Variants in NTN1 observed in about 807,000 individuals in gnomAD.
The protein encoded by NTN1 is netrin 1.
A neutral mutation model predicts 54.2 loss-of-function variants in NTN1; 11 were observed. That is an observed-to-expected ratio of 0.20 (90% CI 0.13 to 0.34). The LOEUF (loss-of-function observed/expected upper bound fraction) is 0.34. NTN1 is among the 10% of genes least tolerant of loss of function. NTN1 has a pLI of 1.00. For missense variants in NTN1, 740 were observed against 893.1 expected (o/e 0.83, Z 2.18); for synonymous variants, 371 against 382.0 (o/e 0.97, Z 0.33).
chr17:9,077,778 G>A (rs539247578), intron 2 of NTN1, among the ~76,000 whole-genome samples: 4 of 152,202 alleles, frequency 2.6e-5, no homozygotes, highest in Non-Finnish European at 4.4e-5. Context: ...AGTCTTAAAC[G>A]GGTCTCCACA....
At chr17:9,030,202 A>C (rs1331638978) in intron 2 of NTN1, among the ~76,000 whole-genome samples, 3 of 152,120 alleles carry the variant, frequency 2.0e-5, no homozygotes, top group African/African-American at 4.8e-5. Flanking sequence ...TCCTGCCCCA[A>C]GCACAGTTCT....
chr17:9,191,159 T>A (rs1904444622), intron 5 of NTN1, among the ~76,000 whole-genome samples: 1 of 152,044 alleles, frequency 6.6e-6, no homozygotes, highest in Non-Finnish European at 1.5e-5. Context: ...AAGGAAAGAT[T>A]TTGAATAAAT....
chr17:9,078,302 T>C (rs79877680), intron 2 of NTN1, among the ~76,000 whole-genome samples: 3 of 152,184 alleles, frequency 2.0e-5, no homozygotes, highest in Non-Finnish European at 4.4e-5. Flanking sequence ...AGCAGTTCCC[T>C]GGGTGGGGGC....
chr17:9,040,940 T>C (rs2091919338), intron 2 of NTN1, among the ~76,000 whole-genome samples: 1 of 152,118 alleles, frequency 6.6e-6, no homozygotes, highest in South Asian at 2.1e-4. Context: ...CACTCTTGAG[T>C]AGCTGAGACT....
intron 2 of NTN1, among the ~76,000 whole-genome samples, chr17:9,087,252 G>A (rs1481668955): frequency 6.6e-6 from 1 of 152,094 alleles, no homozygotes; most frequent in African/African-American, 2.4e-5. Flanking sequence ...AAGGAGCCAG[G>A]AGCATTCTGG....
intron 2 of NTN1, among the ~76,000 whole-genome samples, chr17:9,086,088 A>G (rs2142228524): frequency 6.6e-6 from 1 of 152,344 alleles, no homozygotes; most frequent in South Asian, 2.1e-4. Context: ...GTAGTGTCCC[A>G]TTTGTTACTC....
intron 6 of NTN1, among the ~76,000 whole-genome samples, chr17:9,238,153 C>A (rs1906056557): frequency 6.6e-6 from 1 of 152,094 alleles, no homozygotes; most frequent in Admixed American, 6.5e-5. Context: ...TTGACAGAAG[C>A]CAGCCAGCAT....
chr17:9,202,721 T>C (rs1035982627), intron 5 of NTN1, among the ~76,000 whole-genome samples: 1 of 152,210 alleles, frequency 6.6e-6, no homozygotes, highest in Non-Finnish European at 1.5e-5. Flanking sequence ...ACCAACTTTT[T>C]TGCCTTATTA....
intron 5 of NTN1, among the ~76,000 whole-genome samples, chr17:9,197,737 G>C (rs1904676848): frequency 6.7e-6 from 1 of 149,670 alleles, no homozygotes; most frequent in Non-Finnish European, 1.5e-5. Context: ...ACTGCTTCAA[G>C]ATTTTCTTCA....
intron 2 of NTN1, among the ~76,000 whole-genome samples, chr17:9,047,943 G>A (rs576032300): frequency 2.8e-4 from 42 of 152,174 alleles, no homozygotes; most frequent in African/African-American, 8.0e-4. Flanking sequence ...TGATCCACCC[G>A]CCTCGGCCTC....
intron 6 of NTN1, among the ~76,000 whole-genome samples, chr17:9,223,311 G>A (rs1191457248): frequency 6.6e-6 from 1 of 152,196 alleles, no homozygotes; most frequent in Admixed American, 6.5e-5. Flanking sequence ...CAGCACTTTG[G>A]GAGGCCAAGG....
At chr17:9,085,665 T>C (rs2092087794) in intron 2 of NTN1, among the ~76,000 whole-genome samples, 1 of 152,118 alleles carries the variant, frequency 6.6e-6, no homozygotes, top group Non-Finnish European at 1.5e-5. Context: ...ATAACAAAAA[T>C]ACCAACCTCA....
rs369245571 is a variant in NTN1 at position 9,227,173 on chromosome 17, G to A, written c.1486+5931G>A. On this transcript the variant is annotated intron_variant, in intron 6 of 6. Transcript: ENST00000173229. ...GTGCTCACGTCCACACCACTCACAG[G>A]CACACATACCACACACGCATGCACA... Among the ~76,000 whole-genome samples, 11 of 151,874 alleles carry A rather than the reference G, an allele frequency of 7.2e-5. No individual in the cohort carries two copies. The South Asian group carries it at 2.3e-3, about 32-fold the overall frequency.
At chr17:9,057,858 A>T (rs933658410) in intron 2 of NTN1, among the ~76,000 whole-genome samples, 4 of 152,188 alleles carry the variant, frequency 2.6e-5, no homozygotes, top group African/African-American at 9.7e-5. Context: ...GTTCATTTTT[A>T]AAATTTTTAA....
intron 5 of NTN1, among the ~76,000 whole-genome samples, chr17:9,210,062 C>T (rs148491557): frequency 1.1e-3 from 171 of 152,220 alleles, no homozygotes; most frequent in African/African-American, 4.1e-3. Context: ...AAAAAGAAGT[C>T]AAACCCTATC....
intron 2 of NTN1, among the ~76,000 whole-genome samples, chr17:9,149,387 A>G (rs187739423): frequency 1.4e-3 from 206 of 152,250 alleles, no homozygotes; most frequent in Middle Eastern, 6.8e-3. Context: ...TTGCTCAGAC[A>G]ATCTCTTCCA....
chr17:9,183,337 A>C, intron 5 of NTN1: 1 of 526,712 alleles, frequency 1.9e-6, no homozygotes, highest in South Asian at 1.5e-5. Flanking sequence ...CTGGGGATAC[A>C]GAAGGAGGCT....
At chr17:9,076,836 A>C (rs1329559009) in intron 2 of NTN1, among the ~76,000 whole-genome samples, 1 of 152,238 alleles carries the variant, frequency 6.6e-6, no homozygotes, top group African/African-American at 2.4e-5. Context: ...CTCCTGTGTG[A>C]CTTTATCAAC....
At chr17:9,042,592 G>A (rs947207204) in intron 2 of NTN1, among the ~76,000 whole-genome samples, 16 of 151,810 alleles carry the variant, frequency 1.1e-4, no homozygotes, top group African/African-American at 3.1e-4. Context: ...TTCAAGACCA[G>A]CCTGACCAAC....
Sources: allele counts gnomAD v4.1 joint callset (sites outside exome capture counted in the v4.1 genomes callset), GRCh38; gene constraint gnomAD v4.1.1; transcripts MANE v1.5; gene names NCBI Gene and HGNC (gene_info 2026-07-23, HGNC 2026-07-21).